TENM3: variants seen among roughly 807,000 people sequenced by gnomAD.
TENM3 encodes teneurin transmembrane protein 3.
In TENM3, 63 loss-of-function variants were observed where a neutral mutation model predicts 255.1. That is an observed-to-expected ratio of 0.25 (90% CI 0.20 to 0.30). The LOEUF (loss-of-function observed/expected upper bound fraction) is 0.30. TENM3 is among the 10% of genes least tolerant of loss of function. The pLI, the probability that TENM3 is intolerant of heterozygous loss-of-function variation, is 1.00. For missense variants in TENM3, 2,929 were observed against 3,461.1 expected (o/e 0.85, Z 3.86); for synonymous variants, 1,306 against 1,322.3 (o/e 0.99, Z 0.27).
At chr4:181,927,118 T>C in the TENM3 span, among the ~76,000 whole-genome samples, 4 of 151,532 alleles carry the variant, frequency 2.6e-5, no homozygotes, top group African/African-American at 9.7e-5. Flanking sequence ...GCTGCAGGAG[T>C]TTTTTTCATA....
At chr4:182,654,706 G>A (rs191154503) in intron 6 of TENM3, among the ~76,000 whole-genome samples, 6 of 152,064 alleles carry the variant, frequency 3.9e-5, no homozygotes, top group Middle Eastern at 3.4e-3. Context: ...TAGTATATTG[G>A]TGTTCAGCTT....
At chr4:181,759,417 G>T in the TENM3 span, among the ~76,000 whole-genome samples, 56 of 151,970 alleles carry the variant, frequency 3.7e-4, no homozygotes, top group African/African-American at 1.3e-3. Context: ...AACAAGAAGT[G>T]CCTGGTAAAT....
chr4:182,609,934 T>A (rs1434899832), intron 4 of TENM3, among the ~76,000 whole-genome samples: 2 of 152,188 alleles, frequency 1.3e-5, no homozygotes, highest in African/African-American at 4.8e-5. Context: ...ACTACAAAGG[T>A]AAATTGACAT....
chr4:181,500,428 A>C, the TENM3 span, among the ~76,000 whole-genome samples: 1 of 152,128 alleles, frequency 6.6e-6, no homozygotes, highest in Non-Finnish European at 1.5e-5. Context: ...ACAAACAAAA[A>C]ATATGCTCTT....
chr4:182,288,594 C>A (rs1402917277), intron 1 of TENM3, among the ~76,000 whole-genome samples: 1 of 152,186 alleles, frequency 6.6e-6, no homozygotes, highest in South Asian at 2.1e-4. Context: ...TTGGCTCCAA[C>A]TACTACGTGG....
chr4:182,254,838 G>A (rs1037189958), intron 1 of TENM3, among the ~76,000 whole-genome samples: 2 of 152,094 alleles, frequency 1.3e-5, no homozygotes, highest in African/African-American at 4.8e-5. Flanking sequence ...AAATATATCA[G>A]TGCCCATTGC....
At chr4:181,471,292 A>G in the TENM3 span, among the ~76,000 whole-genome samples, 1 of 152,242 alleles carries the variant, frequency 6.6e-6, no homozygotes, top group Non-Finnish European at 1.5e-5. Context: ...GATAGACAGA[A>G]GGATAATTCA....
chr4:181,740,892 A>G, the TENM3 span, among the ~76,000 whole-genome samples: 1 of 152,170 alleles, frequency 6.6e-6, no homozygotes, highest in Admixed American at 6.6e-5. Context: ...TCAAATTGGG[A>G]AAAATACAGA....
At chr4:182,746,937 A>G (rs534496465) in intron 19 of TENM3, among the ~76,000 whole-genome samples, 4 of 152,330 alleles carry the variant, frequency 2.6e-5, no homozygotes, top group African/African-American at 9.6e-5. Flanking sequence ...CAAAGTCAAC[A>G]TATTTTAGTT....
chr4:181,789,261 A>T, the TENM3 span, among the ~76,000 whole-genome samples: 6 of 121,512 alleles, frequency 4.9e-5, no homozygotes, highest in Admixed American at 3.1e-4. Flanking sequence ...TATTTTATTT[A>T]TTTTATTTTT....
chr4:181,448,173 T>A, the TENM3 span, among the ~76,000 whole-genome samples: 7 of 134,840 alleles, frequency 5.2e-5, no homozygotes, highest in Non-Finnish European at 6.3e-5. Context: ...TTTTTTTTTT[T>A]TTTTTTTTTT....
chr4:182,289,416 G>A (rs1409874195), intron 1 of TENM3, among the ~76,000 whole-genome samples: 1 of 152,232 alleles, frequency 6.6e-6, no homozygotes, highest in Non-Finnish European at 1.5e-5. Context: ...GAGCAGTGCA[G>A]GGCCCTGCCC....
the TENM3 span, among the ~76,000 whole-genome samples, chr4:181,715,174 A>C: frequency 6.6e-6 from 1 of 152,148 alleles, no homozygotes; most frequent in South Asian, 2.1e-4. Context: ...TCATTCTTTC[A>C]CTTAAGATTC....
At chr4:182,026,927 T>C in the TENM3 span, among the ~76,000 whole-genome samples, 8 of 152,208 alleles carry the variant, frequency 5.3e-5, no homozygotes, top group African/African-American at 1.9e-4. Flanking sequence ...TTGCTTAGGA[T>C]AGCTTTTGCT....
intron 3 of TENM3, among the ~76,000 whole-genome samples, chr4:182,514,109 C>T (rs1737693457): frequency 6.6e-6 from 1 of 152,208 alleles, no homozygotes; most frequent in Non-Finnish European, 1.5e-5. Context: ...CCGTGAGTAA[C>T]AAGCTGTATT....
At chr4:182,373,460 C>T (rs973802116) in intron 3 of TENM3, among the ~76,000 whole-genome samples, 4 of 152,132 alleles carry the variant, frequency 2.6e-5, no homozygotes, top group Non-Finnish European at 5.9e-5. Flanking sequence ...AGCTTTTACT[C>T]GTGGAGGACG....
intron 3 of TENM3, among the ~76,000 whole-genome samples, chr4:182,570,062 T>A (rs1662836687): frequency 6.6e-6 from 1 of 152,208 alleles, no homozygotes; most frequent in Non-Finnish European, 1.5e-5. Context: ...ATATTTCTTT[T>A]GGACAGTTCT....
the TENM3 span, among the ~76,000 whole-genome samples, chr4:181,848,628 A>G: frequency 6.6e-6 from 1 of 152,138 alleles, no homozygotes; most frequent in Non-Finnish European, 1.5e-5. Flanking sequence ...AACGAATACT[A>G]AAGGTTTTTA....
chr4:181,570,075 G>A, the TENM3 span, among the ~76,000 whole-genome samples: 1 of 122,716 alleles, frequency 8.1e-6, no homozygotes, highest in Non-Finnish European at 1.6e-5. Context: ...GTCTCGCTCT[G>A]TCGCCCAGGT....
Sources: allele counts gnomAD v4.1 joint callset (sites outside exome capture counted in the v4.1 genomes callset), GRCh38; gene constraint gnomAD v4.1.1; transcripts MANE v1.5; gene names NCBI Gene and HGNC (gene_info 2026-07-23, HGNC 2026-07-21).